Variants in OGT observed in about 807,000 individuals in gnomAD.
OGT encodes O-linked N-acetylglucosamine (GlcNAc) transferase, also known as UDP-N-acetylglucosamine--peptide N-acetylglucosaminyltransferase 110 kDa subunit.
In OGT, 3 loss-of-function variants were observed where a neutral mutation model predicts 75.8. That is an observed-to-expected ratio of 0.04 (90% CI 0.02 to 0.10). The LOEUF (loss-of-function observed/expected upper bound fraction) is 0.10. Among genes scored for constraint, OGT ranks in the 10% least tolerant of loss-of-function variants. The pLI, the probability that OGT is intolerant of heterozygous loss-of-function variation, is 1.00. For synonymous variants in OGT, 257 were observed against 289.7 expected, an observed-to-expected ratio of 0.89 and a Z score of 1.15; for missense variants, 260 against 824.4, an observed-to-expected ratio of 0.32 and a Z score of 8.38.
At chrX:71,555,672 ATGAT>A in intron 7 of OGT, 1 of 399,229 alleles carries the variant, frequency 2.5e-6, no homozygotes, top group Non-Finnish European at 4.3e-6. Context: ...GCAGTGGGCC[ATGAT>A]TGTGCCACAG....
chrX:71,560,409 A>G (rs1173765466), intron 14 of OGT, among the ~76,000 whole-genome samples: 10 of 110,966 alleles, frequency 9.0e-5, no homozygotes, highest in African/African-American at 3.3e-4. Flanking sequence ...TTTATGATAA[A>G]TTAAGATTGA....
At chrX:71,560,904 C>T (rs2040378973) in intron 14 of OGT, among the ~76,000 whole-genome samples, 1 of 110,492 alleles carries the variant, frequency 9.1e-6, no homozygotes, top group East Asian at 2.8e-4. Flanking sequence ...CTTGTATACC[C>T]TATACTAAAT....
rs754690229 is a variant in OGT at position 71,574,373 on chromosome X, G to C, written c.*579G>C. ...GCCTATATCAGTCGTTTTAGTGTCT[G>C]ACCTAATATTTGGAGCTATCAGTGC... On this transcript the variant is annotated 3_prime_UTR_variant, in exon 22 of 22. Coordinates refer to ENST00000373719, the MANE Select transcript of OGT (RefSeq NM_181672.3). 2.7e-5 allele frequency: 3 copies of C among 111,261 alleles called. No homozygotes were observed. The highest frequency in any genetic ancestry group is 5.7e-5 in the Non-Finnish European group (3 of 52,981). 9.2% of individuals were successfully genotyped at this position (111,261 alleles called of 1,213,427 possible).
At chrX:71,550,592 G>GT (rs1194534729) in intron 5 of OGT, among the ~76,000 whole-genome samples, 1 of 111,397 alleles carries the variant, frequency 9.0e-6, no homozygotes, top group Non-Finnish European at 1.9e-5. Flanking sequence ...TCCTTTGCCC[G>GT]TATTTTAATG....
At chrX:71,540,011 ATTG>A (rs1191416527) in intron 3 of OGT, among the ~76,000 whole-genome samples, 1 of 112,484 alleles carries the variant, frequency 8.9e-6, no homozygotes, top group Non-Finnish European at 1.9e-5. Flanking sequence ...CAGGAAGCTT[ATTG>A]TTGTACCCTA....
At chrX:71,567,801 T>C in intron 20 of OGT, 49 bp downstream of exon 20, 1 of 1,146,142 alleles carries the variant, frequency 8.7e-7, no homozygotes, top group Non-Finnish European at 1.2e-6. Flanking sequence ...TTTGAAAATC[T>C]CCGTTTGGGG....
In OGT at chrX:71,564,460, C is replaced by T. The variant is rs1354771891; in HGVS notation, c.2437-141C>T. 4.8e-5 allele frequency: 24 copies of T among 494,916 alleles called. No individual in the cohort carries two copies. The East Asian group carries it at 8.1e-4, about 17-fold the overall frequency. 40.8% of individuals were successfully genotyped at this position (494,916 alleles called of 1,213,427 possible). On this transcript the variant is annotated intron_variant, in intron 18 of 21. Transcript: ENST00000373719. ...CTTAAGATAATGCTGCAACGGTTTG[C>T]CTTTTCTTAAACTTCATATATCATG...
chrX:71,546,702 C>T (rs2040261308), intron 4 of OGT: 1 of 747,919 alleles, frequency 1.3e-6, no homozygotes. Flanking sequence ...AAGCTTCTAA[C>T]TCTTCTTGTT....
chrX:71,541,964 A>G (rs1331366078), intron 3 of OGT, among the ~76,000 whole-genome samples: 5 of 110,292 alleles, frequency 4.5e-5, no homozygotes. Context: ...GTCTATTAAA[A>G]CCCTACTCAT....
rs2040148154 is a variant in OGT, at chrX:71,533,354, T to A, written c.37+18T>A. 8.4e-7 allele frequency: 1 copy of A among 1,186,376 alleles called. No individual in the cohort carries two copies. The highest frequency in any genetic ancestry group is 3.1e-5 in the East Asian group (1 of 32,413). ...CAGCACAGGTACCGGTGTCCCGTTC[T>A]ACCTTGGCAGATGCCCCCTTGGGGT... On this transcript the variant is annotated intron_variant, in intron 1 of 21. Coordinates refer to ENST00000373719, the MANE Select transcript of OGT (RefSeq NM_181672.3).
chrX:71,568,072 A>G lies in OGT; in HGVS notation c.2922A>G (p.Gln974=). ...GCLELIAKNR[Q]EYEDIAVKLG... ...TTGAGCTTATTGCTAAAAACAGACA[A>G]GAATATGAAGACATAGCTGTGAAGC... The change falls in exon 21 of 22, where the codon CAA becomes CAG. Residue 974 remains glutamine, a synonymous_variant. Coordinates refer to ENST00000373719, the MANE Select transcript of OGT (RefSeq NM_181672.3). 8.3e-7 allele frequency: 1 copy of G among 1,209,234 alleles called. No homozygotes were observed.
In OGT at chrX:71,557,236, G is replaced by A. The variant is rs199586938; in HGVS notation, c.1362G>A (p.Thr454=). Reference sequence around the variant, plus strand: ...CAGAAGCCATAGCTTCTTACCGCACGGCTCTGAAACTTAAGCCTGATTTTC... The same window carrying A: ...CAGAAGCCATAGCTTCTTACCGCACAGCTCTGAAACTTAAGCCTGATTTTC... The part of the protein sequence containing the change: ...NIPEAIASYR[T]ALKLKPDFPD... The change falls in exon 11 of 22, where the codon ACG becomes ACA. Residue 454 remains threonine (T), a synonymous_variant. Transcript: ENST00000373719. 1.7e-6 allele frequency: 2 copies of A among 1,208,281 alleles called. No homozygotes were observed. The highest frequency in any genetic ancestry group is 2.2e-6 in the Non-Finnish European group (2 of 893,351).
chrX:71,544,763 C>T (rs2040247937), intron 4 of OGT, 128 bp downstream of exon 4: 2 of 544,814 alleles, frequency 3.7e-6, no homozygotes, highest in Non-Finnish European at 3.1e-6. Flanking sequence ...ACTGACGGCA[C>T]GAATCGCCTC....
chrX:71,555,812 T>C (rs2040339375), intron 7 of OGT, 142 bp from the exon 8 acceptor site: 1 of 635,298 alleles, frequency 1.6e-6, no homozygotes, highest in Non-Finnish European at 2.4e-6. Context: ...TTTAGAGTTT[T>C]GGTTGAGGGT....
Position 71,573,798 on chromosome X carries a change from A to G in OGT, c.*4A>G, listed in dbSNP as rs2040473885. The G allele has an allele frequency of 8.4e-7, 1 of 1,183,701 alleles. No homozygotes were observed. Among genetic ancestry groups the G allele is most frequent in the East Asian group, 3.0e-5 (1 of 33,287 alleles). The stretch of plus-strand genomic sequence containing the variant: ...TGAAGTCACTGAGTCAGCATAAATA[A>G]AGACTGCACAGGAGAATTACCCCTA... On this transcript the variant is annotated 3_prime_UTR_variant, in exon 22 of 22. Transcript: ENST00000373719.
chrX:71,556,790 A>G lies in OGT; in HGVS notation c.1166+10A>G, dbSNP rs747524539. On this transcript the variant is annotated intron_variant, in intron 9 of 21. Transcript: ENST00000373719. Reference sequence around the variant, plus strand: ...ATAAGGAGGCTATTCGGTAAGAGACACTAACAGCCTTATTTTTAAAATTAT... The same window carrying G: ...ATAAGGAGGCTATTCGGTAAGAGACGCTAACAGCCTTATTTTTAAAATTAT... 1 of 1,100,464 alleles carries G rather than the reference A, an allele frequency of 9.1e-7. No individual in the cohort carries two copies. Among genetic ancestry groups the G allele is most frequent in the Non-Finnish European group, 1.2e-6 (1 of 813,014 alleles). 90.7% of individuals were successfully genotyped at this position (1,100,464 alleles called of 1,213,427 possible).
chrX:71,558,151 A>C (rs371917035), intron 12 of OGT, among the ~76,000 whole-genome samples: 1 of 109,229 alleles, frequency 9.2e-6, no homozygotes, highest in African/African-American at 3.3e-5. Flanking sequence ...GGGTTTTGCT[A>C]TGTTGCCCAA....
intron 4 of OGT, chrX:71,544,946 G>A: frequency 4.1e-6 from 1 of 246,077 alleles, no homozygotes; most frequent in South Asian, 8.9e-5. Context: ...CTTGCCTGCT[G>A]GTGACAAGCA....
chrX:71,559,231 T>C, intron 12 of OGT, 36 bp from the exon 13 acceptor site: 1 of 1,176,485 alleles, frequency 8.5e-7, no homozygotes, highest in African/African-American at 1.8e-5. Flanking sequence ...AAAATTTATG[T>C]AGATTTTACT....
Sources: allele counts gnomAD v4.1 joint callset (sites outside exome capture counted in the v4.1 genomes callset), GRCh38; gene constraint gnomAD v4.1.1; transcripts MANE v1.5; gene names NCBI Gene and HGNC (gene_info 2026-07-23, HGNC 2026-07-21).